The following SLC9C2 variants were observed in gnomAD, a reference collection of about 807,000 sequenced individuals.
SLC9C2 encodes solute carrier family 9 member C2 (putative).
In SLC9C2, 75 loss-of-function variants were observed where a neutral mutation model predicts 140.2. The ratio of observed to expected loss-of-function variants is 0.53; its 90% CI spans 0.44 to 0.65. The LOEUF (loss-of-function observed/expected upper bound fraction) is 0.65, where lower values mean the gene tolerates loss of function less well. SLC9C2 is among the 30% of genes least tolerant of loss of function. SLC9C2 has a pLI of 0.00. For synonymous variants in SLC9C2, 375 were observed against 420.9 expected (o/e 0.89, Z 1.34); for missense variants, 1,074 against 1,331.8 (o/e 0.81, Z 3.01).
At chr1:173,574,273 G>A (rs985034513) in intron 8 of SLC9C2, among the ~76,000 whole-genome samples, 9 of 152,080 alleles carry the variant, frequency 5.9e-5, no homozygotes, top group African/African-American at 1.4e-4. Flanking sequence ...ATTTATGCTC[G>A]GAAAGAAGCA....
chr1:173,562,459 T>A (rs908918339), intron 9 of SLC9C2, among the ~76,000 whole-genome samples: 3 of 152,158 alleles, frequency 2.0e-5, no homozygotes, highest in African/African-American at 4.8e-5. Context: ...TATTAACAGA[T>A]TAGGAACAAT....
chr1:173,505,380 A>C (rs746813550), intron 25 of SLC9C2, 49 bp from the exon 26 acceptor site: 2 of 1,382,994 alleles, frequency 1.4e-6, no homozygotes, highest in East Asian at 4.6e-5. Context: ...TTTGATCTCT[A>C]ACCTGGCTGC....
chr1:173,599,362 A>ATTTTTTTTTTTTTTTTTTTTTTT lies in SLC9C2; in HGVS notation c.228+732_228+754dup, dbSNP rs61579339. On this transcript the variant is annotated intron_variant, in intron 3 of 27. Transcript: ENST00000367714. ...CAAGAGCGCAAACACATTTTCCTTG[A>ATTTTTTTTTTTTTTTTTTTTTTT]TTTTTTTTTTTTTTTTTTTTTTTTT... is the stretch of plus-strand genomic sequence containing the variant. Among the ~76,000 whole-genome samples the ATTTTTTTTTTTTTTTTTTTTTTT allele has an allele frequency of 5.9e-5, 4 of 68,124 alleles. 2 individuals carry two copies. Among genetic ancestry groups the ATTTTTTTTTTTTTTTTTTTTTTT allele is most frequent in the African/African-American group, 1.9e-4 (4 of 21,144 alleles). 44.7% of individuals were successfully genotyped at this position (68,124 alleles called of 152,430 possible).
intron 27 of SLC9C2, among the ~76,000 whole-genome samples, chr1:173,501,734 T>G (rs1487174089): frequency 6.6e-6 from 1 of 151,980 alleles, no homozygotes; most frequent in African/African-American, 2.4e-5. Flanking sequence ...AATTCCTCTT[T>G]GTGAAATAAG....
At chr1:173,550,925 G>T (rs1663254074) in intron 11 of SLC9C2, among the ~76,000 whole-genome samples, 1 of 137,000 alleles carries the variant, frequency 7.3e-6, no homozygotes, top group Non-Finnish European at 1.5e-5. Flanking sequence ...GGGAAGGGAA[G>T]AGGAGGGGAG....
chr1:173,549,167 A>T (rs1663077359), intron 11 of SLC9C2, among the ~76,000 whole-genome samples: 1 of 152,216 alleles, frequency 6.6e-6, no homozygotes, highest in African/African-American at 2.4e-5. Context: ...CTTACTCACA[A>T]TTCCATCTCA....
At chr1:173,570,613 G>A (rs1416986512) in intron 9 of SLC9C2, among the ~76,000 whole-genome samples, 2 of 152,134 alleles carry the variant, frequency 1.3e-5, no homozygotes, top group Non-Finnish European at 2.9e-5. Flanking sequence ...ACAGCATCAG[G>A]ACTTGCCTAA....
chr1:173,601,871 AAAG>A lies in SLC9C2; in HGVS notation c.-79-19_-79-17del, dbSNP rs1202815163. 8 of 1,466,070 alleles carry A rather than the reference AAAG, an allele frequency of 5.5e-6. No homozygotes were observed. The highest frequency in any genetic ancestry group is 7.4e-6 in the Non-Finnish European group (8 of 1,083,698). The allele number at this position is 1,466,070 out of a possible 1,614,324, so 90.8% of individuals were successfully genotyped here. A position where few individuals can be genotyped will look rare whatever the true frequency, so the allele number is the denominator to read the frequency against. Reference sequence around the variant, plus strand: ...GCATGCTAACCTGTATAGCATGCAAAAAGAACATGAGACCTACCAAGATCCAAT... The same window carrying A: ...GCATGCTAACCTGTATAGCATGCAAAAACATGAGACCTACCAAGATCCAAT... On this transcript the variant is annotated splice_polypyrimidine_tract_variant and intron_variant, in intron 1 of 27. Coordinates refer to ENST00000367714, the MANE Select transcript of SLC9C2 (RefSeq NM_178527.4).
chr1:173,532,620 C>T (rs1184784327), intron 17 of SLC9C2, among the ~76,000 whole-genome samples: 1 of 152,180 alleles, frequency 6.6e-6, no homozygotes, highest in East Asian at 1.9e-4. Context: ...ACAAATTTTA[C>T]TGAAACTTAA....
At chr1:173,505,183 G>A in intron 26 of SLC9C2, 64 bp downstream of exon 26, 1 of 1,339,234 alleles carries the variant, frequency 7.5e-7, no homozygotes, top group Non-Finnish European at 1.1e-6. Flanking sequence ...AGAGTTAAAG[G>A]AATTTTACAT....
intron 5 of SLC9C2, among the ~76,000 whole-genome samples, chr1:173,583,906 TACC>T (rs1441128338): frequency 1.3e-5 from 2 of 152,204 alleles, no homozygotes; most frequent in Non-Finnish European, 2.9e-5. Flanking sequence ...CTTCTCAAGA[TACC>T]ACATTTAGTT....
chr1:173,517,560 C>T lies in SLC9C2; in HGVS notation c.2884G>A (p.Val962Ile), dbSNP rs147401558. The part of the protein sequence containing the change: ...CLLKREIEYT[V>I]ICETSLQACF... ...ACCTGTAAACTAGTTTCACAGATGACGGTATATTCAATTTCACGCTTAAGC... is the reference window on the plus strand; with the variant it reads ...ACCTGTAAACTAGTTTCACAGATGATGGTATATTCAATTTCACGCTTAAGC... The change falls in exon 23 of 28, where the codon GTC (valine) becomes ATC (isoleucine). Residue 962 changes from valine (V) to isoleucine (I), a missense_variant. Val to Ile is a conservative substitution (Grantham distance 29). Transcript: ENST00000367714. The T allele has an allele frequency of 8.2e-5, 132 of 1,609,482 alleles. No individual in the cohort carries two copies. Among genetic ancestry groups the T allele is most frequent in the East Asian group, 4.2e-4 (19 of 44,742 alleles).
At chr1:173,516,848 G>T (rs1244762057) in intron 23 of SLC9C2, among the ~76,000 whole-genome samples, 2 of 152,150 alleles carry the variant, frequency 1.3e-5, no homozygotes, top group Non-Finnish European at 2.9e-5. Flanking sequence ...GGATTGCTGG[G>T]TCAATGGTAC....
chr1:173,569,469 G>A (rs1664705179), intron 9 of SLC9C2, among the ~76,000 whole-genome samples: 1 of 151,872 alleles, frequency 6.6e-6, no homozygotes, highest in Non-Finnish European at 1.5e-5. Flanking sequence ...CAACCTTCTT[G>A]TACTTGAATA....
rs182506798 is a variant in SLC9C2 at position 173,523,668 on chromosome 1, T to A, written c.2640+301A>T. Among the ~76,000 whole-genome samples, 1,425 of 152,320 alleles carry A rather than the reference T, an allele frequency of 9.4e-3. 10 individuals carry two copies. Among genetic ancestry groups the A allele is most frequent in the Non-Finnish European group, 0.013 (866 of 68,026 alleles). Reference sequence around the variant, plus strand: ...AATTTGAGACCCTTGCTCTAAAAAATGTCTCTCCCAGAGTGTACATCAAGA... The same window carrying A: ...AATTTGAGACCCTTGCTCTAAAAAAAGTCTCTCCCAGAGTGTACATCAAGA... On this transcript the variant is annotated intron_variant, in intron 21 of 27. Transcript: ENST00000367714.
chr1:173,546,900 C>G (rs1201637682), intron 13 of SLC9C2, among the ~76,000 whole-genome samples: 1 of 151,984 alleles, frequency 6.6e-6, no homozygotes, highest in African/African-American at 2.4e-5. Flanking sequence ...GAAATATTTA[C>G]AGATGTATGA....
rs573641439 is a variant in SLC9C2 at position 173,527,268 on chromosome 1, G to A, written c.2314-554C>T. The stretch of plus-strand genomic sequence containing the variant: ...TCTGCTGCTTTGCCCATGCTCAGAC[G>A]TCAATCTCAATGAGTCTAGTACAGT... On this transcript the variant is annotated intron_variant, in intron 18 of 27. Transcript: ENST00000367714. Among the ~76,000 whole-genome samples the A allele has an allele frequency of 1.1e-4, 17 of 152,232 alleles. No individual in the cohort carries two copies. The East Asian group carries it at 2.1e-3, about 19-fold the overall frequency.
At chr1:173,521,038 T>C (rs1660772132) in intron 22 of SLC9C2, among the ~76,000 whole-genome samples, 1 of 152,198 alleles carries the variant, frequency 6.6e-6, no homozygotes, top group Non-Finnish European at 1.5e-5. Flanking sequence ...AGTATTGATT[T>C]CCTTCTCTGA....
chr1:173,598,201 G>T (rs1666550641), intron 3 of SLC9C2, among the ~76,000 whole-genome samples, 169 bp from the exon 4 acceptor site: 1 of 152,208 alleles, frequency 6.6e-6, no homozygotes, highest in African/African-American at 2.4e-5. Flanking sequence ...TCTTGATCTA[G>T]CCATCCAGAT....
Sources: allele counts gnomAD v4.1 joint callset (sites outside exome capture counted in the v4.1 genomes callset), GRCh38; gene constraint gnomAD v4.1.1; transcripts MANE v1.5; gene names NCBI Gene and HGNC (gene_info 2026-07-23, HGNC 2026-07-21).